ARHGAP19: variants seen among roughly 807,000 people sequenced by gnomAD.
The protein encoded by ARHGAP19 is Rho GTPase activating protein 19.
Under a neutral mutation model 60.9 loss-of-function variants are expected in ARHGAP19, and 48 were observed. That is an observed-to-expected ratio of 0.79 (90% CI 0.62 to 1.00). The LOEUF is 1.00. Ranked by LOEUF, ARHGAP19 falls within the 50% of genes least tolerant of loss-of-function variation. The pLI is 0.00. For synonymous variants in ARHGAP19, 209 were observed against 215.5 expected (o/e 0.97, Z 0.27); for missense variants, 562 against 597.2 (o/e 0.94, Z 0.61).
chr10:97,249,564 A>T (rs1416253134), intron 6 of ARHGAP19, among the ~76,000 whole-genome samples: 2 of 152,224 alleles, frequency 1.3e-5, no homozygotes, highest in Non-Finnish European at 2.9e-5. Context: ...AATGTGAGAC[A>T]TTCTACAACA....
At chr10:97,253,592 T>A (rs1180654622) in intron 6 of ARHGAP19, among the ~76,000 whole-genome samples, 2 of 152,164 alleles carry the variant, frequency 1.3e-5, no homozygotes, top group Non-Finnish European at 2.9e-5. Flanking sequence ...AGCATGACTA[T>A]AGTTAACAAC....
intron 1 of ARHGAP19, among the ~76,000 whole-genome samples, chr10:97,285,537 T>TTG (rs1168681790): frequency 9.4e-4 from 137 of 146,520 alleles, no homozygotes; most frequent in African/African-American, 3.2e-3. Context: ...TTTTTTTTTT[T>TTG]GAGACAGAGT....
At chr10:97,254,959 C>G (rs557254113) in intron 6 of ARHGAP19, among the ~76,000 whole-genome samples, 7 of 152,240 alleles carry the variant, frequency 4.6e-5, no homozygotes, top group African/African-American at 1.7e-4. Flanking sequence ...ATAAATAAGG[C>G]AGTCACAGAA....
chr10:97,282,666 C>CT (rs1336324680), intron 1 of ARHGAP19, among the ~76,000 whole-genome samples: 1 of 152,138 alleles, frequency 6.6e-6, no homozygotes, highest in African/African-American at 2.4e-5. Flanking sequence ...GAACTCTGCC[C>CT]TAGGGACCCT....
At chr10:97,230,715 G>T (rs1850992256) in intron 9 of ARHGAP19, among the ~76,000 whole-genome samples, 2 of 152,158 alleles carry the variant, frequency 1.3e-5, no homozygotes, top group African/African-American at 4.8e-5. Flanking sequence ...CCAAAAAAGG[G>T]ATCCAGACAG....
At chr10:97,279,072 T>G (rs1843052581) in intron 1 of ARHGAP19, among the ~76,000 whole-genome samples, 1 of 152,214 alleles carries the variant, frequency 6.6e-6, no homozygotes. Flanking sequence ...GCTTTAAATG[T>G]GTCACTTTGT....
In ARHGAP19 at chr10:97,237,463, C is replaced by T. The variant is rs541857339; in HGVS notation, c.1186-2148G>A. Among the ~76,000 whole-genome samples, 22 of 152,156 alleles carry T rather than the reference C, an allele frequency of 1.4e-4. 1 individual carries two copies. In the South Asian group the frequency reaches 3.5e-3, roughly 24 times the overall value. On this transcript the variant is annotated intron_variant, in intron 8 of 11. Transcript: ENST00000358531. ...TATCACTGCTGTCCTAACATCACAG[C>T]GCAATGTGTTACTCAAGTGACTGCA...
chr10:97,286,456 G>A (rs1843156562), intron 1 of ARHGAP19, among the ~76,000 whole-genome samples: 1 of 152,192 alleles, frequency 6.6e-6, no homozygotes, highest in African/African-American at 2.4e-5. Context: ...GCTGGACGTG[G>A]TGGCACATGG....
chr10:97,259,644 GAATTTGCAAAGTGGGGAGAA>G lies in ARHGAP19; in HGVS notation c.614-36_614-17del. On this transcript the variant is annotated splice_polypyrimidine_tract_variant and intron_variant, in intron 4 of 11. Coordinates refer to ENST00000358531, the MANE Select transcript of ARHGAP19 (RefSeq NM_032900.6). ...TGCATCAAATCTTGAGGACAAAAGA[GAATTTGCAAAGTGGGGAGAA>G]AATATCAGCAAGAAAAATCAGTGCT... The G allele has an allele frequency of 1.9e-6, 3 of 1,602,816 alleles. No individual in the cohort carries two copies. The highest frequency in any genetic ancestry group is 1.7e-4 in the Middle Eastern group (1 of 6,040).
At chr10:97,231,792 C>A (rs907648249) in intron 9 of ARHGAP19, among the ~76,000 whole-genome samples, 2 of 151,970 alleles carry the variant, frequency 1.3e-5, no homozygotes, top group Admixed American at 1.3e-4. Flanking sequence ...TGCCTCAAGA[C>A]CCTGCTTTCA....
At position 97,250,777 on chromosome 10, in the gene ARHGAP19, G is replaced by A. The variant is rs542645916; in HGVS notation, c.928-4440C>T. 6.6e-5 allele frequency among the ~76,000 whole-genome samples: 10 copies of A among 151,286 alleles called. No individual in the cohort carries two copies. In the South Asian group the frequency reaches 2.1e-3, roughly 32 times the overall value. ...TCTATTCTATTTCATTTAAAAAAAA[G>A]AAAGAAGGCCAAGAGCGGTGGCTCA... On this transcript the variant is annotated intron_variant, in intron 6 of 11. Transcript: ENST00000358531.
intron 1 of ARHGAP19, chr10:97,270,791 A>G: frequency 1.3e-6 from 1 of 792,318 alleles, no homozygotes; most frequent in Non-Finnish European, 1.9e-6. Flanking sequence ...TAGGACTCTG[A>G]GCACTCATCT....
chr10:97,259,744 G>A (rs1842803559), intron 4 of ARHGAP19, 116 bp from the exon 5 acceptor site: 1 of 725,586 alleles, frequency 1.4e-6, no homozygotes, highest in African/African-American at 1.8e-5. Flanking sequence ...AAAAGATTCA[G>A]GCAGAAACAC....
At chr10:97,286,262 A>C (rs1843153576) in intron 1 of ARHGAP19, among the ~76,000 whole-genome samples, 1 of 152,242 alleles carries the variant, frequency 6.6e-6, no homozygotes, top group South Asian at 2.1e-4. Flanking sequence ...TCTCGAAGGA[A>C]CACATTACTG....
At chr10:97,289,979 A>G (rs907951413) in intron 1 of ARHGAP19, among the ~76,000 whole-genome samples, 4 of 152,204 alleles carry the variant, frequency 2.6e-5, no homozygotes, top group African/African-American at 9.6e-5. Context: ...AGAAATTTTT[A>G]AAGAACTGGA....
chr10:97,225,801 A>G lies in ARHGAP19; in HGVS notation c.*321T>C, dbSNP rs1850884229. ...AGCACACATTTCATATTTTTTTTCA[A>G]AAGTGGAATCTGCCTAAACACATTG... is the stretch of plus-strand genomic sequence containing the variant. On this transcript the variant is annotated 3_prime_UTR_variant, in exon 12 of 12. Coordinates refer to ENST00000358531, the MANE Select transcript of ARHGAP19 (RefSeq NM_032900.6). The G allele has an allele frequency of 3.6e-6, 1 of 279,922 alleles. No homozygotes were observed. The highest frequency in any genetic ancestry group is 6.3e-5 in the East Asian group (1 of 15,864). 17.3% of individuals were successfully genotyped at this position (279,922 alleles called of 1,614,324 possible). A position where few individuals can be genotyped will look rare whatever the true frequency, so the allele number is the denominator to read the frequency against.
rs961348662 is a variant in ARHGAP19 at position 97,269,439 on chromosome 10, C to T, written c.57-3314G>A. ...ACTAAAAAAACTAGAATTTAAAATGCTTCTCTCTTCAACCTTTTTACACGC... is the reference window on the plus strand; with the variant it reads ...ACTAAAAAAACTAGAATTTAAAATGTTTCTCTCTTCAACCTTTTTACACGC... On this transcript the variant is annotated intron_variant, in intron 1 of 11. Coordinates refer to ENST00000358531, the MANE Select transcript of ARHGAP19 (RefSeq NM_032900.6). Among the ~76,000 whole-genome samples the T allele has an allele frequency of 4.6e-5, 7 of 152,128 alleles. No individual in the cohort carries two copies. In the East Asian group the frequency reaches 1.3e-3, roughly 29 times the overall value.
chr10:97,251,180 A>AAGAGAAG (rs1842642795), intron 6 of ARHGAP19, among the ~76,000 whole-genome samples: 1 of 55,662 alleles, frequency 1.8e-5, no homozygotes, highest in Non-Finnish European at 3.3e-5. Flanking sequence ...GGGAAGGGAA[A>AAGAGAAG]GGGAAAGGAA....
intron 11 of ARHGAP19, among the ~76,000 whole-genome samples, chr10:97,226,382 C>T (rs1373741174): frequency 6.6e-6 from 1 of 152,208 alleles, no homozygotes; most frequent in Admixed American, 6.5e-5. Context: ...TATTTATGTA[C>T]ATTATTTATC....
Sources: allele counts gnomAD v4.1 joint callset (sites outside exome capture counted in the v4.1 genomes callset), GRCh38; gene constraint gnomAD v4.1.1; transcripts MANE v1.5; gene names NCBI Gene and HGNC (gene_info 2026-07-23, HGNC 2026-07-21).